Variants in PDE4D observed in about 807,000 individuals in gnomAD.
PDE4D encodes the protein 3',5'-cyclic-AMP phosphodiesterase 4D.
A neutral mutation model predicts 87.4 loss-of-function variants in PDE4D; 24 were observed. The observed-to-expected ratio is 0.27, with a 90% CI of 0.20 to 0.39. PDE4D has a LOEUF of 0.39. Ranked by LOEUF, PDE4D falls within the 10% of genes least tolerant of loss-of-function variation. The probability of loss-of-function intolerance (pLI) is 1.00; values close to 1 mark genes in which losing one functional copy is unlikely to be tolerated. For synonymous variants in PDE4D, 384 were observed against 383.2 expected (o/e 1.00, Z -0.02); for missense variants, 714 against 1,041.0 (o/e 0.69, Z 4.32).
chr5:59,071,340 T>G (rs1764756087), intron 5 of PDE4D, among the ~76,000 whole-genome samples: 2 of 152,110 alleles, frequency 1.3e-5, no homozygotes, highest in Admixed American at 6.5e-5. Flanking sequence ...TTCTCTTTTT[T>G]CTAGAATTTC....
chr5:60,238,383 T>C (rs1220030727), intron 1 of PDE4D, among the ~76,000 whole-genome samples: 4 of 151,958 alleles, frequency 2.6e-5, no homozygotes, highest in Non-Finnish European at 4.4e-5. Context: ...TCCTTGTGCA[T>C]GTCCCCTGGC....
rs182683633 is a variant in PDE4D at position 60,251,701 on chromosome 5, A to G, written c.-89-66014T>C. Among the ~76,000 whole-genome samples, 22 of 152,088 alleles carry G rather than the reference A, an allele frequency of 1.4e-4. No individual in the cohort carries two copies. The East Asian group carries it at 3.9e-3, about 27-fold the overall frequency. On this transcript the variant is annotated intron_variant, in intron 1 of 16. Coordinates refer to the PDE4D transcript ENST00000502484. ...ACTACCTGTGTCTTTATGATATAAT[A>G]GAATGATTTATATTCCTTTGGGTAT... is the stretch of plus-strand genomic sequence containing the variant.
intron 1 of PDE4D, among the ~76,000 whole-genome samples, chr5:59,374,932 C>T (rs1784469763): frequency 6.6e-6 from 1 of 152,134 alleles, no homozygotes; most frequent in African/African-American, 2.4e-5. Flanking sequence ...TCCTGAATGC[C>T]TTTTGGGTAA....
chr5:59,835,923 T>C (rs1029508868), intron 1 of PDE4D, among the ~76,000 whole-genome samples: 2 of 152,046 alleles, frequency 1.3e-5, no homozygotes, highest in African/African-American at 4.8e-5. Flanking sequence ...CCCAAAAAAC[T>C]GGAGCCTGAC....
chr5:59,840,234 C>CCACACACACACACACACA (rs142164308), intron 1 of PDE4D, among the ~76,000 whole-genome samples: 1 of 145,006 alleles, frequency 6.9e-6, no homozygotes, highest in African/African-American at 2.6e-5. Flanking sequence ...ACGTGCACTG[C>CCACACACACACACACACA]CACACACACA....
chr5:59,341,081 T>C (rs891035496), intron 1 of PDE4D, among the ~76,000 whole-genome samples: 1 of 152,190 alleles, frequency 6.6e-6, no homozygotes, highest in Non-Finnish European at 1.5e-5. Flanking sequence ...TTGAAATCCT[T>C]TGTGCATGTT....
At chr5:59,787,289 G>A (rs1290039203) in intron 1 of PDE4D, among the ~76,000 whole-genome samples, 1 of 152,156 alleles carries the variant, frequency 6.6e-6, no homozygotes, top group Non-Finnish European at 1.5e-5. Context: ...ATATTCTGGA[G>A]CTACAGAAAT....
chr5:60,444,896 A>G (rs974372328), intron 1 of PDE4D, among the ~76,000 whole-genome samples: 29 of 144,236 alleles, frequency 2.0e-4, no homozygotes, highest in Non-Finnish European at 3.6e-4. Flanking sequence ...CTATGATGCT[A>G]TCAATCCTCT....
At chr5:59,384,197 C>T (rs1321211433) in intron 1 of PDE4D, among the ~76,000 whole-genome samples, 5 of 152,264 alleles carry the variant, frequency 3.3e-5, no homozygotes, top group South Asian at 2.1e-4. Context: ...TGAGCCACTG[C>T]GCCAAGCCCT....
intron 1 of PDE4D, among the ~76,000 whole-genome samples, chr5:59,676,871 TTCC>T (rs1340140945): frequency 1.3e-5 from 2 of 152,124 alleles, no homozygotes; most frequent in African/African-American, 2.4e-5. Context: ...TACCACTTAA[TTCC>T]TCCTATCTAG....
intron 1 of PDE4D, among the ~76,000 whole-genome samples, chr5:59,826,197 T>C (rs931058104): frequency 1.3e-5 from 2 of 152,180 alleles, no homozygotes; most frequent in Non-Finnish European, 2.9e-5. Context: ...TCCTTCAAGT[T>C]TGGGCCTTGT....
intron 2 of PDE4D, among the ~76,000 whole-genome samples, chr5:60,023,615 T>C (rs1561991006): frequency 6.6e-6 from 1 of 152,178 alleles, no homozygotes; most frequent in Non-Finnish European, 1.5e-5. Flanking sequence ...TCCCCTTCTC[T>C]CCACTCCTAA....
In PDE4D at chr5:60,405,841, C is replaced by T. The variant is rs1321625281; in HGVS notation, c.-90+82101G>A. On this transcript the variant is annotated intron_variant, in intron 1 of 16. Transcript: ENST00000502484. ...GATTATTGAAGTTAAGTATCTTGCT[C>T]AAGAACACAAAGGAAAAACATAGAA... Among the ~76,000 whole-genome samples, 3 of 152,158 alleles carry T rather than the reference C, an allele frequency of 2.0e-5. No homozygotes were observed. The East Asian group carries it at 5.8e-4, about 29-fold the overall frequency.
intron 1 of PDE4D, among the ~76,000 whole-genome samples, chr5:59,323,167 C>T (rs1051565357): frequency 4.6e-5 from 7 of 152,058 alleles, no homozygotes; most frequent in African/African-American, 7.2e-5. Context: ...CCTCCACCCT[C>T]GACAATTCCC....
chr5:59,737,225 G>A (rs541492992), intron 1 of PDE4D, among the ~76,000 whole-genome samples: 11 of 152,240 alleles, frequency 7.2e-5, no homozygotes, highest in African/African-American at 2.2e-4. Flanking sequence ...CGCATTCCTG[G>A]AAGTGAGGGC....
chr5:60,039,406 A>T, intron 2 of PDE4D, among the ~76,000 whole-genome samples: 1 of 144,090 alleles, frequency 6.9e-6, no homozygotes, highest in Admixed American at 7.0e-5. Flanking sequence ...GGACACAGGA[A>T]GGGGAACATC....
intron 2 of PDE4D, among the ~76,000 whole-genome samples, chr5:60,138,517 G>C (rs796343949): frequency 6.6e-6 from 1 of 150,808 alleles, no homozygotes; most frequent in Non-Finnish European, 1.5e-5. Flanking sequence ...CCTTTTTTTT[G>C]AATCTGGAAA....
chr5:59,420,706 A>T (rs1044246511), intron 1 of PDE4D, among the ~76,000 whole-genome samples: 2 of 147,518 alleles, frequency 1.4e-5, no homozygotes, highest in Non-Finnish European at 3.0e-5. Flanking sequence ...AAAAAAAAAA[A>T]CAAGAAAAGA....
intron 1 of PDE4D, among the ~76,000 whole-genome samples, chr5:59,577,867 C>T (rs1823433494): frequency 6.6e-6 from 1 of 152,086 alleles, no homozygotes; most frequent in Non-Finnish European, 1.5e-5. Flanking sequence ...TTTTATTTGT[C>T]ATTTTCTCCT....
Sources: gnomAD v4.1 joint callset for allele counts (sites outside exome capture counted in the v4.1 genomes callset) on GRCh38, gnomAD v4.1.1 for gene constraint, MANE v1.5 for transcripts, NCBI Gene and HGNC (gene_info 2026-07-23, HGNC 2026-07-21) for gene names.